The following CSRP2 variants were observed in gnomAD, a reference collection of about 807,000 sequenced individuals.
CSRP2 encodes cysteine and glycine rich protein 2, also known as cysteine and glycine-rich protein 2.
CSRP2 carries 18 observed loss-of-function variants against 24.6 expected under a neutral mutation model. The ratio of observed to expected loss-of-function variants is 0.73; its 90% CI spans 0.51 to 1.09. The LOEUF (loss-of-function observed/expected upper bound fraction) is 1.09, where lower values mean the gene tolerates loss of function less well. Ranked by LOEUF, CSRP2 falls within the 50% of genes least tolerant of loss-of-function variation. The pLI, the probability that CSRP2 is intolerant of heterozygous loss-of-function variation, is 0.00. For synonymous variants in CSRP2, 87 were observed against 84.3 expected (o/e 1.03, Z -0.18); for missense variants, 215 against 239.4 (o/e 0.90, Z 0.67).
rs572267702 is a variant in CSRP2 at position 76,875,557 on chromosome 12, G to A, written c.-2+3381C>T. Among the ~76,000 whole-genome samples, 3 of 152,238 alleles carry A rather than the reference G, an allele frequency of 2.0e-5. No individual in the cohort carries two copies. In the East Asian group the frequency reaches 5.8e-4, roughly 29 times the overall value. ...TAATTATTCAAACAATTTAATATTTGCACGATTTTTTCATGGAATCAGACC... is the reference window on the plus strand; with the variant it reads ...TAATTATTCAAACAATTTAATATTTACACGATTTTTTCATGGAATCAGACC... On this transcript the variant is annotated intron_variant, in intron 1 of 5. Transcript: ENST00000311083.
chr12:76,877,612 A>C (rs1455070288), intron 1 of CSRP2, among the ~76,000 whole-genome samples: 2 of 152,254 alleles, frequency 1.3e-5, no homozygotes, highest in Non-Finnish European at 2.9e-5. Flanking sequence ...AAGAGCAAAG[A>C]AAACTACAAT....
At chr12:76,863,093 G>T in intron 3 of CSRP2, 83 bp downstream of exon 3, 1 of 1,506,898 alleles carries the variant, frequency 6.6e-7, no homozygotes. Context: ...CTAAAAATCT[G>T]GAGACTGCCA....
At chr12:76,863,550 T>C (rs979636978) in intron 2 of CSRP2, 10 of 477,722 alleles carry the variant, frequency 2.1e-5, no homozygotes, top group Non-Finnish European at 3.3e-5. Context: ...TCCATGGATA[T>C]GACAGTTGCT....
rs530740748 is a variant in CSRP2, at chr12:76,876,069, T to C, written c.-2+2869A>G. 1.6e-4 allele frequency among the ~76,000 whole-genome samples: 25 copies of C among 152,340 alleles called. No homozygotes were observed. The South Asian group carries it at 5.2e-3, about 32-fold the overall frequency. ...GCTATGGCATAGGTTCTTCTTAAGC[T>C]GAGTAGTTCCTGCACTGCCGTGTGC... On this transcript the variant is annotated intron_variant, in intron 1 of 5. Coordinates refer to ENST00000311083, the MANE Select transcript of CSRP2 (RefSeq NM_001321.3).
intron 1 of CSRP2, among the ~76,000 whole-genome samples, chr12:76,874,587 C>T (rs937531687): frequency 1.3e-5 from 2 of 152,188 alleles, no homozygotes; most frequent in Non-Finnish European, 2.9e-5. Flanking sequence ...AAGTTCAGTC[C>T]GTTAGGTCAA....
At chr12:76,865,034 T>C (rs567660408) in intron 2 of CSRP2, 2 of 152,344 alleles carry the variant, frequency 1.3e-5, no homozygotes, top group East Asian at 1.9e-4. Context: ...AAAATTCTCA[T>C]AGGTCTGCAA....
At chr12:76,868,596 A>G (rs1386493086) in intron 1 of CSRP2, among the ~76,000 whole-genome samples, 1 of 152,172 alleles carries the variant, frequency 6.6e-6, no homozygotes, top group African/African-American at 2.4e-5. Context: ...AGTCTCAGGT[A>G]TGTCTTTATT....
At position 76,863,287 on chromosome 12, in the gene CSRP2, T is replaced by C. The variant is rs748428132; in HGVS notation, c.170A>G (p.Tyr57Cys). 2.5e-6 allele frequency: 4 copies of C among 1,614,246 alleles called. No individual in the cohort carries two copies. Among genetic ancestry groups the C allele is most frequent in the Non-Finnish European group, 3.4e-6 (4 of 1,180,052 alleles). The stretch of plus-strand genomic sequence containing the variant: ...CTTCTTTCCGTAGCAGGATTTGCAG[T>C]AGATCTCTTCATCGTGAATTGCCAC... ...TTVAIHDEEI[Y>C]CKSCYGKKYG... Residue 57 changes from tyrosine to cysteine, a missense_variant, in exon 3 of 6, where the codon TAC (tyrosine) becomes TGC (cysteine). Transcript: ENST00000311083.
chr12:76,860,167 T>A (rs1202634913), intron 4 of CSRP2, 117 bp downstream of exon 4: 1 of 1,114,188 alleles, frequency 9.0e-7, no homozygotes, highest in Non-Finnish European at 1.2e-6. Context: ...TAAAGAAAAG[T>A]TTCATATAAG....
At chr12:76,875,828 A>G (rs926144218) in intron 1 of CSRP2, among the ~76,000 whole-genome samples, 1 of 152,218 alleles carries the variant, frequency 6.6e-6, no homozygotes, top group African/African-American at 2.4e-5. Flanking sequence ...TTTAATCCTC[A>G]TAACAACTAA....
intron 1 of CSRP2, among the ~76,000 whole-genome samples, chr12:76,872,251 C>A (rs1361505288): frequency 6.6e-6 from 1 of 152,154 alleles, no homozygotes; most frequent in Non-Finnish European, 1.5e-5. Flanking sequence ...TAAGATGCCA[C>A]CAAAATTCAT....
intron 1 of CSRP2, among the ~76,000 whole-genome samples, chr12:76,871,413 T>G (rs1234906954): frequency 6.6e-6 from 1 of 152,208 alleles, no homozygotes; most frequent in African/African-American, 2.4e-5. Context: ...CCTTCTTTTT[T>G]GGGGACATTA....
Position 76,863,175 on chromosome 12 carries a change from CCT to C in CSRP2, c.280_281del (p.Ser94CysfsTer14), listed in dbSNP as rs765507978. ...AGGTAACCAACGGTCTCCCAACTCA[CCT>C]CTCTGGTTTGATGCCCAGCCTCTCG... ...RGERLGIKPE[S>X]VQPHRPTTNP... On this transcript the variant is annotated frameshift_variant and splice_region_variant, in exon 3 of 6. Transcript: ENST00000311083. LOFTEE classifies it high-confidence loss of function. 1 of 1,610,486 alleles carries C rather than the reference CCT, an allele frequency of 6.2e-7. No individual in the cohort carries two copies. The highest frequency in any genetic ancestry group is 1.1e-5 in the South Asian group (1 of 90,790).
At chr12:76,866,515 A>C (rs540633349) in intron 1 of CSRP2, among the ~76,000 whole-genome samples, 3 of 152,260 alleles carry the variant, frequency 2.0e-5, no homozygotes, top group South Asian at 4.1e-4. Context: ...CATTCAGTAC[A>C]ATAGTACAGG....
At chr12:76,861,465 G>C (rs1354026657) in intron 3 of CSRP2, 1 of 151,432 alleles carries the variant, frequency 6.6e-6, no homozygotes, top group Non-Finnish European at 1.5e-5. Flanking sequence ...GGATAAATCT[G>C]GTTTGGATTG....
At position 76,859,530 on chromosome 12, in the gene CSRP2, A is replaced by G; in HGVS notation, c.505+17T>C. ...TGGAATATTCATATGGACAGCAGTA[A>G]CTGAAATGAATTTTACCTTTACAAT... On this transcript the variant is annotated intron_variant, in intron 5 of 5. Transcript: ENST00000311083. 1 of 1,545,074 alleles carries G rather than the reference A, an allele frequency of 6.5e-7. No individual in the cohort carries two copies. The highest frequency in any genetic ancestry group is 8.9e-7 in the Non-Finnish European group (1 of 1,118,212).
intron 1 of CSRP2, among the ~76,000 whole-genome samples, chr12:76,871,059 T>C (rs901722555): frequency 6.6e-6 from 1 of 151,568 alleles, no homozygotes; most frequent in African/African-American, 2.4e-5. Flanking sequence ...GTCTGAACTA[T>C]TTCATAATGG....
intron 1 of CSRP2, among the ~76,000 whole-genome samples, chr12:76,874,849 TGATCTGAGATG>T (rs768255114): frequency 2.0e-5 from 3 of 152,150 alleles, no homozygotes; most frequent in Non-Finnish European, 2.9e-5. Context: ...TAATGCCTGG[TGATCTGAGATG>T]GAACAGTTTC....
chr12:76,865,747 A>C, intron 2 of CSRP2: 1 of 161,404 alleles, frequency 6.2e-6, no homozygotes, highest in Non-Finnish European at 1.3e-5. Context: ...GTTGTCATTA[A>C]AGGGAACCTG....
Sources: allele counts gnomAD v4.1 joint callset (sites outside exome capture counted in the v4.1 genomes callset), GRCh38; gene constraint gnomAD v4.1.1; transcripts MANE v1.5; gene names NCBI Gene and HGNC (gene_info 2026-07-23, HGNC 2026-07-21).